DCAF1: variants seen among roughly 807,000 people sequenced by gnomAD.
The protein encoded by DCAF1 is DDB1 and CUL4 associated factor 1.
Under a neutral mutation model 128.0 loss-of-function variants are expected in DCAF1, and 15 were observed. That is an observed-to-expected ratio of 0.12 (90% CI 0.08 to 0.18). The LOEUF (loss-of-function observed/expected upper bound fraction) is 0.18. DCAF1 is among the 10% of genes least tolerant of loss of function. The pLI, the probability that DCAF1 is intolerant of heterozygous loss-of-function variation, is 1.00. For synonymous variants in DCAF1, 610 were observed against 603.0 expected (o/e 1.01, Z -0.17); for missense variants, 988 against 1,649.5 (o/e 0.60, Z 6.95).
intron 10 of DCAF1, 106 bp downstream of exon 10, chr3:51,433,000 C>T: frequency 2.5e-6 from 1 of 396,714 alleles, no homozygotes; most frequent in Non-Finnish European, 4.4e-6. Context: ...TTTATTCCTT[C>T]AACTACTGTT....
chr3:51,479,932 C>G (rs373194973), intron 3 of DCAF1, among the ~76,000 whole-genome samples: 117 of 152,120 alleles, frequency 7.7e-4, no homozygotes, highest in African/African-American at 2.7e-3. Context: ...GTAATCCCAG[C>G]ACTTTGGGAG....
chr3:51,419,985 G>A lies in DCAF1; in HGVS notation c.2985C>T (p.Asp995=). 1.2e-6 allele frequency: 2 copies of A among 1,614,060 alleles called. No individual in the cohort carries two copies. Among genetic ancestry groups the A allele is most frequent in the Non-Finnish European group, 1.7e-6 (2 of 1,179,908 alleles). ...GCGTAGGTGGGGAAGGAAGATGTCTGTCCAGCTGTTTTTTTATGGCTGGGC... is the reference window on the plus strand; with the variant it reads ...GCGTAGGTGGGGAAGGAAGATGTCTATCCAGCTGTTTTTTTATGGCTGGGC... The part of the protein sequence containing the change: ...SQSPAIKKQL[D]RHLPSPPTLD... The change falls in exon 15 of 25, where the codon GAC becomes GAT. Residue 995 remains aspartate (D), a synonymous_variant. Coordinates refer to ENST00000684031, the MANE Select transcript of DCAF1 (RefSeq NM_001387579.1).
At chr3:51,471,840 G>A (rs1189273619) in intron 3 of DCAF1, among the ~76,000 whole-genome samples, 2 of 151,790 alleles carry the variant, frequency 1.3e-5, no homozygotes, top group Non-Finnish European at 2.9e-5. Context: ...CTGCACTCCA[G>A]CCCGGGCAAC....
chr3:51,497,360 C>T (rs1021607875), intron 1 of DCAF1, among the ~76,000 whole-genome samples: 1 of 151,976 alleles, frequency 6.6e-6, no homozygotes, highest in Non-Finnish European at 1.5e-5. Flanking sequence ...GAGGCCTAGG[C>T]GGTGGATCAC....
intron 23 of DCAF1, 83 bp from the exon 24 acceptor site, chr3:51,403,478 A>T: frequency 6.6e-7 from 1 of 1,511,750 alleles, no homozygotes; most frequent in Non-Finnish European, 8.9e-7. Context: ...CCAAAGAGAC[A>T]GGGTAGGAAA....
chr3:51,412,965 G>C (rs1698565310), intron 22 of DCAF1, 28 bp downstream of exon 22: 1 of 1,612,804 alleles, frequency 6.2e-7, no homozygotes, highest in African/African-American at 1.3e-5. Context: ...CAGAACAAAA[G>C]AGCAGGGCCT....
At chr3:51,491,338 C>T (rs1707617893) in intron 2 of DCAF1, among the ~76,000 whole-genome samples, 1 of 146,404 alleles carries the variant, frequency 6.8e-6, no homozygotes, top group South Asian at 2.1e-4. Context: ...CAGAGCGAGA[C>T]TATGTCTCCA....
At chr3:51,489,836 TA>T (rs1707420604) in intron 2 of DCAF1, among the ~76,000 whole-genome samples, 1 of 6,916 alleles carries the variant, frequency 1.4e-4, no homozygotes. Flanking sequence ...TGTGTGTATA[TA>T]GATAGATAGA....
At position 51,420,325 on chromosome 3, in the gene DCAF1, G is replaced by A. The variant is rs781986788; in HGVS notation, c.2645C>T (p.Ser882Phe). 2 of 1,613,906 alleles carry A rather than the reference G, an allele frequency of 1.2e-6. No individual in the cohort carries two copies. The highest frequency in any genetic ancestry group is 1.3e-5 in the African/African-American group (1 of 74,922). The change falls in exon 15 of 25, where the codon TCC (serine) becomes TTC (phenylalanine). Residue 882 changes from serine to phenylalanine, a missense_variant. Coordinates refer to ENST00000684031, the MANE Select transcript of DCAF1 (RefSeq NM_001387579.1). This position sits in a 1 kb window ranked among gnomAD's most constrained non-coding sequence, Gnocchi z 6.5. Reference protein sequence around the residue: ...KEADLPMTAASHSSAFTPVTA... With the variant: ...KEADLPMTAAFHSSAFTPVTA... ...GACTGGGGTAAAGGCAGAAGAATGG[G>A]AGGCAGCAGTCATGGGCAGGTCAGC...
At chr3:51,484,004 A>G (rs1390215152) in intron 2 of DCAF1, among the ~76,000 whole-genome samples, 168 bp from the exon 3 acceptor site, 1 of 152,172 alleles carries the variant, frequency 6.6e-6, no homozygotes, top group Non-Finnish European at 1.5e-5. Flanking sequence ...AAAACTCGGG[A>G]TACTCATCAA....
intron 6 of DCAF1, among the ~76,000 whole-genome samples, chr3:51,458,380 T>TG (rs1474316508): frequency 6.6e-6 from 1 of 152,142 alleles, no homozygotes; most frequent in African/African-American, 2.4e-5. Context: ...TAAATATATA[T>TG]GCACCCAATA....
chr3:51,503,357 G>T (rs1422101623), upstream of DCAF1, among the ~76,000 whole-genome samples: 16 of 152,118 alleles, frequency 1.1e-4, no homozygotes, highest in Non-Finnish European at 2.4e-4. Context: ...AGTCCTCTAG[G>T]CTTCAAGCTT....
intron 3 of DCAF1, among the ~76,000 whole-genome samples, chr3:51,480,844 T>G (rs886865131): frequency 6.6e-6 from 1 of 151,802 alleles, no homozygotes; most frequent in Admixed American, 6.6e-5. Context: ...ACTAGAACCG[T>G]TTTTTTTACA....
intron 12 of DCAF1, among the ~76,000 whole-genome samples, chr3:51,428,694 T>C (rs1044192215): frequency 1.3e-5 from 2 of 152,118 alleles, no homozygotes; most frequent in Non-Finnish European, 2.9e-5. Flanking sequence ...CTAGTACTTT[T>C]CATACAAAAA....
Position 51,400,739 on chromosome 3 carries a change from A to C in DCAF1, c.4466-1912T>G, listed in dbSNP as rs548835809. 3.3e-5 allele frequency among the ~76,000 whole-genome samples: 5 copies of C among 152,226 alleles called. No individual in the cohort carries two copies. The South Asian group carries it at 1.0e-3, about 32-fold the overall frequency. ...GACCTCCCATTCTGAAAGGTCGCTAAGGCAGACAATCTAGGTATAATTAAT... is the reference window on the plus strand; with the variant it reads ...GACCTCCCATTCTGAAAGGTCGCTACGGCAGACAATCTAGGTATAATTAAT... On this transcript the variant is annotated intron_variant, in intron 24 of 24. Transcript: ENST00000684031.
At chr3:51,494,158 A>T (rs1252824778) in intron 2 of DCAF1, among the ~76,000 whole-genome samples, 4 of 144,322 alleles carry the variant, frequency 2.8e-5, no homozygotes. Flanking sequence ...TGTCGCCCAG[A>T]GACTGGAGTG....
At chr3:51,482,652 C>A (rs1706358833) in intron 3 of DCAF1, among the ~76,000 whole-genome samples, 1 of 148,768 alleles carries the variant, frequency 6.7e-6, no homozygotes, top group African/African-American at 2.5e-5. Context: ...GTAATCCCAG[C>A]TACTCGGGAG....
intron 14 of DCAF1, among the ~76,000 whole-genome samples, chr3:51,421,280 A>G (rs1010899051): frequency 1.3e-5 from 2 of 152,128 alleles, no homozygotes; most frequent in African/African-American, 2.4e-5. Context: ...TTTTTGAGGC[A>G]GAGTCTCGCT....
chr3:51,410,344 C>T (rs74708037), intron 23 of DCAF1, among the ~76,000 whole-genome samples: 2 of 152,210 alleles, frequency 1.3e-5, no homozygotes, highest in Non-Finnish European at 2.9e-5. Flanking sequence ...AGAGCACACA[C>T]AGGGGATTTT....
Sources: gnomAD v4.1 joint callset for allele counts (sites outside exome capture counted in the v4.1 genomes callset) on GRCh38, gnomAD v4.1.1 for gene constraint, Gnocchi (gnomAD v3.1) non-coding constraint, MANE v1.5 for transcripts, NCBI Gene and HGNC (gene_info 2026-07-23, HGNC 2026-07-21) for gene names.